GPC4: variants seen among roughly 807,000 people sequenced by gnomAD.
The protein encoded by GPC4 is glypican-4.
A neutral mutation model predicts 35.0 loss-of-function variants in GPC4; 10 were observed. That is an observed-to-expected ratio of 0.29 (90% CI 0.18 to 0.48). GPC4 has a LOEUF of 0.48. Ranked by LOEUF, GPC4 falls within the 20% of genes least tolerant of loss-of-function variation. The pLI, the probability that GPC4 is intolerant of heterozygous loss-of-function variation, is 0.99. For synonymous variants in GPC4, 167 were observed against 170.2 expected (o/e 0.98, Z 0.15); for missense variants, 322 against 451.3 (o/e 0.71, Z 2.60).
intron 1 of GPC4, among the ~76,000 whole-genome samples, chrX:133,342,619 G>A (rs1375179529): frequency 9.0e-6 from 1 of 111,514 alleles, no homozygotes; most frequent in Non-Finnish European, 1.9e-5. Context: ...TGTGACACAC[G>A]TAGTCCAAGA....
intron 1 of GPC4, among the ~76,000 whole-genome samples, chrX:133,349,362 AGAT>A (rs1043519801): frequency 2.7e-5 from 3 of 112,573 alleles, no homozygotes; most frequent in Non-Finnish European, 3.7e-5. Flanking sequence ...TTCCAACAGC[AGAT>A]GATTTTCCAT....
chrX:133,374,018 T>A (rs1336987678), intron 1 of GPC4, among the ~76,000 whole-genome samples: 1 of 111,331 alleles, frequency 9.0e-6, no homozygotes, highest in East Asian at 2.8e-4. Flanking sequence ...GATAAAAATG[T>A]TCTAAATAGA....
At chrX:133,310,730 C>T (rs137945201) in intron 4 of GPC4, among the ~76,000 whole-genome samples, 1 of 112,074 alleles carries the variant, frequency 8.9e-6, no homozygotes, top group African/African-American at 3.2e-5. Context: ...ATAGATATAA[C>T]ATTTTAAAAG....
Position 133,392,996 on chromosome X carries a change from C to T in GPC4, c.160+21810G>A, listed in dbSNP as rs778604544. 2.1e-4 allele frequency among the ~76,000 whole-genome samples: 23 copies of T among 112,187 alleles called. No individual in the cohort carries two copies. The South Asian group carries it at 2.2e-3, about 11-fold the overall frequency. On this transcript the variant is annotated intron_variant, in intron 1 of 8. Transcript: ENST00000370828. ...CCGTGGAAGCCAATGACACAGGAAA[C>T]GCCCTTTGACCAGAGACAGACACTA...
chrX:133,333,943 C>T (rs2068431512), intron 2 of GPC4, among the ~76,000 whole-genome samples: 1 of 112,323 alleles, frequency 8.9e-6, no homozygotes, highest in African/African-American at 3.2e-5. Flanking sequence ...CAATGTAAAA[C>T]CCTCTCAGGG....
chrX:133,346,921 C>T (rs926479838), intron 1 of GPC4, among the ~76,000 whole-genome samples: 1 of 111,080 alleles, frequency 9.0e-6, no homozygotes, highest in East Asian at 2.8e-4. Flanking sequence ...CTAAAAGGTA[C>T]GGGGTTTCTT....
chrX:133,346,882 A>T (rs2068493457), intron 1 of GPC4, among the ~76,000 whole-genome samples: 1 of 111,393 alleles, frequency 9.0e-6, no homozygotes. Flanking sequence ...GCTGGGGGAG[A>T]GGGGAAAGAA....
chrX:133,415,206 A>G lies in GPC4; in HGVS notation c.-241T>C. The G allele has an allele frequency of 2.7e-6, 1 of 367,383 alleles. No homozygotes were observed. 30.3% of individuals were successfully genotyped at this position (367,383 alleles called of 1,213,427 possible). A position where few individuals can be genotyped will look rare whatever the true frequency, so the allele number is the denominator to read the frequency against. On this transcript the variant is annotated 5_prime_UTR_variant, in exon 1 of 9. Coordinates refer to ENST00000370828, the MANE Select transcript of GPC4 (RefSeq NM_001448.3). ...GGGCCAGGGGAGAAGGAGGGCGTGG[A>G]GGCGGCGCGCGGCCCAGGGAAGCAG...
chrX:133,362,949 T>TG (rs1345609834), intron 1 of GPC4, among the ~76,000 whole-genome samples: 1 of 111,214 alleles, frequency 9.0e-6, no homozygotes, highest in African/African-American at 3.3e-5. Flanking sequence ...GACGGTAGAA[T>TG]GGGGCAAAAG....
At position 133,337,141 on chromosome X, in the gene GPC4, T is replaced by C. The variant is rs1374317478; in HGVS notation, c.319+2042A>G. Among the ~76,000 whole-genome samples the C allele has an allele frequency of 2.7e-5, 3 of 112,265 alleles. No individual in the cohort carries two copies. In the East Asian group the frequency reaches 8.4e-4, roughly 31 times the overall value. ...GCCTATGCCATATTTTAATTTGAAG[T>C]CAGAAAAAACACTGGAGTTTCATAA... On this transcript the variant is annotated intron_variant, in intron 2 of 8. Coordinates refer to ENST00000370828, the MANE Select transcript of GPC4 (RefSeq NM_001448.3).
chrX:133,334,218 G>A (rs2266805), intron 2 of GPC4, among the ~76,000 whole-genome samples: 47,157 of 110,720 alleles, frequency 0.43, 9,312 homozygotes, highest in African/African-American at 0.78. Context: ...ATTTGCAGTT[G>A]GTGATTAAAA....
Position 133,305,979 on chromosome X carries a change from G to A in GPC4, c.1008+45C>T, listed in dbSNP as rs368708875. On this transcript the variant is annotated intron_variant, in intron 5 of 8. Transcript: ENST00000370828. ...CACTCCCAAGGCGGGAGGCGGAGGC[G>A]GGGGAGGTCCCTAGCTCCCCTTTCC... 3.2e-5 allele frequency: 39 copies of A among 1,207,428 alleles called. No homozygotes were observed. In the South Asian group the frequency reaches 5.5e-4, roughly 17 times the overall value.
chrX:133,409,687 G>C (rs2068804923), intron 1 of GPC4, among the ~76,000 whole-genome samples: 1 of 111,602 alleles, frequency 9.0e-6, no homozygotes, highest in Non-Finnish European at 1.9e-5. Flanking sequence ...GGAAGAAGTG[G>C]GCACATAACC....
At chrX:133,369,413 C>T (rs56381704) in intron 1 of GPC4, among the ~76,000 whole-genome samples, 1,276 of 111,721 alleles carry the variant, frequency 0.011, 9 homozygotes, top group Middle Eastern at 0.023. Flanking sequence ...TGAACTTTTT[C>T]CCATTAGACA....
chrX:133,388,697 C>T (rs771544098), intron 1 of GPC4, among the ~76,000 whole-genome samples: 4 of 110,312 alleles, frequency 3.6e-5, no homozygotes, highest in South Asian at 7.9e-4. Flanking sequence ...GGGGTATCAC[C>T]GTGTTAGCCA....
intron 1 of GPC4, among the ~76,000 whole-genome samples, chrX:133,366,992 T>A (rs1363142862): frequency 1.8e-5 from 2 of 111,924 alleles, no homozygotes; most frequent in Admixed American, 9.5e-5. Flanking sequence ...TTTATTTACA[T>A]GGGGTGTACA....
intron 1 of GPC4, among the ~76,000 whole-genome samples, chrX:133,409,320 TAAAAAAAA>T (rs36008423): frequency 4.7e-4 from 15 of 31,797 alleles, no homozygotes; most frequent in Non-Finnish European, 8.2e-4. Flanking sequence ...GACCCTGCCT[TAAAAAAAA>T]AAAAAAAAAA....
intron 1 of GPC4, among the ~76,000 whole-genome samples, chrX:133,357,574 CAG>C (rs2068547438): frequency 9.2e-6 from 1 of 108,692 alleles, no homozygotes; most frequent in South Asian, 4.2e-4. Flanking sequence ...TTTTAAGAGA[CAG>C]GGTCTCACTG....
chrX:133,379,741 A>G (rs1019562515), intron 1 of GPC4, among the ~76,000 whole-genome samples: 26 of 111,583 alleles, frequency 2.3e-4, no homozygotes, highest in African/African-American at 7.8e-4. Context: ...GAGATAACCC[A>G]TAAAAATCAC....
Sources: gnomAD v4.1 joint callset for allele counts (sites outside exome capture counted in the v4.1 genomes callset) on GRCh38, gnomAD v4.1.1 for gene constraint, MANE v1.5 for transcripts, NCBI Gene and HGNC (gene_info 2026-07-23, HGNC 2026-07-21) for gene names.